The following DCLRE1C variants were observed in gnomAD, a reference collection of about 807,000 sequenced individuals.
DCLRE1C encodes protein artemis.
A neutral mutation model predicts 61.4 loss-of-function variants in DCLRE1C; 47 were observed. The ratio of observed to expected loss-of-function variants is 0.77; its 90% CI spans 0.61 to 0.98. DCLRE1C has a LOEUF of 0.98. Among genes scored for constraint, DCLRE1C ranks in the 50% least tolerant of loss-of-function variants. The probability of loss-of-function intolerance (pLI) is 0.00; values close to 1 mark genes in which losing one functional copy is unlikely to be tolerated. For missense variants in DCLRE1C, 858 were observed against 816.0 expected, an observed-to-expected ratio of 1.05 and a Z score of -0.63; for synonymous variants, 337 against 287.6, an observed-to-expected ratio of 1.17 and a Z score of -1.74.
chr10:14,908,854 CTGTTA>C lies in DCLRE1C; in HGVS notation c.1628_1632del (p.Ile543ArgfsTer12), dbSNP rs767758218. 2.5e-6 allele frequency: 4 copies of C among 1,614,184 alleles called. No individual in the cohort carries two copies. The highest frequency in any genetic ancestry group is 3.3e-5 in the Admixed American group (2 of 60,014). On this transcript the variant is annotated frameshift_variant, in exon 14 of 14. Coordinates refer to ENST00000378278, the MANE Select transcript of DCLRE1C (RefSeq NM_001033855.3). LOFTEE classifies it low-confidence loss of function (END_TRUNC). ...CTGTCCCAGCCTTGACTTCCTTGTT[CTGTTA>C]TGTGTGTTGACTGGGAAGAATTCTG...
At position 14,908,176 on chromosome 10, in the gene DCLRE1C, T is replaced by TTTTTTTTG. The variant is rs1390625971; in HGVS notation, c.*231_*232insCAAAAAAA. On this transcript the variant is annotated 3_prime_UTR_variant, in exon 14 of 14. Transcript: ENST00000378278. ...ACCACCATGCCTGGCTTTTTTTTTT[T>TTTTTTTTG]TTTTTTTTTTTGTAAGTAGAGACAC... 1 of 292,298 alleles carries TTTTTTTTG rather than the reference T, an allele frequency of 3.4e-6. No individual in the cohort carries two copies. The highest frequency in any genetic ancestry group is 6.0e-6 in the Non-Finnish European group (1 of 167,788). The allele number at this position is 292,298 out of a possible 1,614,324, so 18.1% of individuals were successfully genotyped here. A position where few individuals can be genotyped will look rare whatever the true frequency, so the allele number is the denominator to read the frequency against.
chr10:14,917,647 A>G (rs1039715303), intron 13 of DCLRE1C, among the ~76,000 whole-genome samples: 2 of 152,206 alleles, frequency 1.3e-5, no homozygotes, highest in African/African-American at 4.8e-5. Context: ...AACATGGTGA[A>G]ACTCCATGTC....
chr10:14,899,157 A>G (rs1196049197), exon 14 of DCLRE1C: 8 of 697,102 alleles, frequency 1.1e-5, no homozygotes, highest in Admixed American at 4.0e-5. Flanking sequence ...CCACATCTCT[A>G]TAAAAACTAA....
chr10:14,910,125 T>C (rs1835007215), intron 13 of DCLRE1C, among the ~76,000 whole-genome samples: 1 of 152,192 alleles, frequency 6.6e-6, no homozygotes, highest in Admixed American at 6.5e-5. Flanking sequence ...AAACACTGCA[T>C]TTTTAAGACA....
At chr10:14,952,228 C>T (rs960104536) in intron 1 of DCLRE1C, among the ~76,000 whole-genome samples, 5 of 151,992 alleles carry the variant, frequency 3.3e-5, no homozygotes, top group African/African-American at 7.3e-5. Context: ...GACTCCAGTG[C>T]GGCTCTACAC....
intron 1 of DCLRE1C, among the ~76,000 whole-genome samples, chr10:14,951,828 C>T (rs1211846759): frequency 6.6e-6 from 1 of 152,166 alleles, no homozygotes; most frequent in Non-Finnish European, 1.5e-5. Flanking sequence ...AAAGCCCCAG[C>T]CCCAAATACA....
Position 14,926,864 on chromosome 10 carries a change from A to G in DCLRE1C, c.951T>C (p.Ser317=), listed in dbSNP as rs1206652720. 1.1e-5 allele frequency: 18 copies of G among 1,613,558 alleles called. No homozygotes were observed. The highest frequency in any genetic ancestry group is 1.4e-5 in the Non-Finnish European group (16 of 1,179,550). ...TGESSYRACF[S]FHSSYSEIKD... ...TTACCTCACTGTAGGAGGAGTGAAA[A>G]GAAAAACAAGCTCTGTATGAACTCT... The change falls in exon 11 of 14, where the codon TCT becomes TCC. Residue 317 remains serine (S), a synonymous_variant. Transcript: ENST00000378278.
intron 13 of DCLRE1C, among the ~76,000 whole-genome samples, chr10:14,911,977 G>A (rs888024826): frequency 2.0e-5 from 3 of 152,214 alleles, no homozygotes; most frequent in African/African-American, 7.2e-5. Flanking sequence ...CATATTGCCG[G>A]AGAGAATGTA....
chr10:14,925,084 A>G (rs1347050327), intron 11 of DCLRE1C, among the ~76,000 whole-genome samples: 1 of 152,018 alleles, frequency 6.6e-6, no homozygotes, highest in Non-Finnish European at 1.5e-5. Context: ...TATTCTTTAA[A>G]TAGTTTTCAC....
chr10:14,939,455 AG>A (rs1840513956), intron 4 of DCLRE1C, among the ~76,000 whole-genome samples: 2 of 136,166 alleles, frequency 1.5e-5, no homozygotes, highest in South Asian at 4.8e-4. Flanking sequence ...AAAAAAAAAA[AG>A]AACCAGGAAG....
rs531017475 is a variant in DCLRE1C, at chr10:14,907,132, G to C, written c.*1276C>G. On this transcript the variant is annotated 3_prime_UTR_variant, in exon 14 of 14. Coordinates refer to ENST00000378278, the MANE Select transcript of DCLRE1C (RefSeq NM_001033855.3). Reference sequence around the variant, plus strand: ...CCCAAAGTACTGGGATTGCAGGCAGGAGTTACTGTGCCTGGCCACCATTTA... The same window carrying C: ...CCCAAAGTACTGGGATTGCAGGCAGCAGTTACTGTGCCTGGCCACCATTTA... 1.3e-5 allele frequency among the ~76,000 whole-genome samples: 2 copies of C among 151,966 alleles called. No homozygotes were observed. The highest frequency in any genetic ancestry group is 2.1e-4 in the South Asian group (1 of 4,802).
chr10:14,937,109 G>C (rs1411126875), intron 4 of DCLRE1C, among the ~76,000 whole-genome samples: 1 of 152,106 alleles, frequency 6.6e-6, no homozygotes, highest in African/African-American at 2.4e-5. Flanking sequence ...AACCCATGGA[G>C]ACAGAGAGTC....
rs571280873 is a variant in DCLRE1C at position 14,939,796 on chromosome 10, T to G, written c.306+14A>C. On this transcript the variant is annotated intron_variant, in intron 4 of 13. Transcript: ENST00000378278. Reference sequence around the variant, plus strand: ...ACATTTTTTTAAAAAAATCAATATTTAATATTTAGTTACCTCTCCTGATGC... The same window carrying G: ...ACATTTTTTTAAAAAAATCAATATTGAATATTTAGTTACCTCTCCTGATGC... The G allele has an allele frequency of 6.3e-7, 1 of 1,580,706 alleles. No homozygotes were observed. The highest frequency in any genetic ancestry group is 8.7e-7 in the Non-Finnish European group (1 of 1,152,006).
chr10:14,908,107 A>G lies in DCLRE1C; in HGVS notation c.*301T>C, dbSNP rs1287831463. 4 of 321,544 alleles carry G rather than the reference A, an allele frequency of 1.2e-5. No homozygotes were observed. Among genetic ancestry groups the G allele is most frequent in the Admixed American group, 9.9e-5 (2 of 20,162 alleles). The allele number at this position is 321,544 out of a possible 1,614,324, so 19.9% of individuals were successfully genotyped here. A position where few individuals can be genotyped will look rare whatever the true frequency, so the allele number is the denominator to read the frequency against. ...ACAGTCATGGCTCACTGCAGCCTCA[A>G]TCTCCTGGGCTCAAGTGATCCTCAA... On this transcript the variant is annotated 3_prime_UTR_variant, in exon 14 of 14. Coordinates refer to ENST00000378278, the MANE Select transcript of DCLRE1C (RefSeq NM_001033855.3).
chr10:14,920,303 G>T, intron 12 of DCLRE1C: 1 of 797,218 alleles, frequency 1.3e-6, no homozygotes, highest in Non-Finnish European at 1.6e-6. Context: ...GTCATTCTAG[G>T]TCCTTAGGCT....
intron 13 of DCLRE1C, among the ~76,000 whole-genome samples, chr10:14,911,806 T>G (rs911349595): frequency 3.9e-5 from 6 of 152,112 alleles, no homozygotes; most frequent in Non-Finnish European, 8.8e-5. Context: ...GACATTTCAC[T>G]GAAGAAGTTA....
chr10:14,928,246 G>A (rs961555858), intron 9 of DCLRE1C, 94 bp from the exon 10 acceptor site: 11 of 1,109,866 alleles, frequency 9.9e-6, no homozygotes, highest in Non-Finnish European at 1.4e-5. Flanking sequence ...AAAGTTTCCA[G>A]ACACGAAAAA....
intron 11 of DCLRE1C, chr10:14,923,462 A>G (rs1355060753): frequency 1.1e-5 from 3 of 262,524 alleles, no homozygotes; most frequent in Non-Finnish European, 2.2e-5. Flanking sequence ...ATAAGTTAGA[A>G]TTTAGCTGGG....
intron 12 of DCLRE1C, chr10:14,920,458 T>C (rs1836912452): frequency 1.0e-6 from 1 of 996,692 alleles, no homozygotes; most frequent in Non-Finnish European, 1.2e-6. Flanking sequence ...CAACATACCA[T>C]TTGAACAGGG....
Sources: gnomAD v4.1 joint callset for allele counts (sites outside exome capture counted in the v4.1 genomes callset) on GRCh38, gnomAD v4.1.1 for gene constraint, MANE v1.5 for transcripts, NCBI Gene and HGNC (gene_info 2026-07-23, HGNC 2026-07-21) for gene names.